IL1RAP: variants seen among roughly 807,000 people sequenced by gnomAD.
IL1RAP encodes the protein interleukin 1 receptor accessory protein.
Under a neutral mutation model 60.7 loss-of-function variants are expected in IL1RAP, and 35 were observed. That is an observed-to-expected ratio of 0.58 (90% confidence interval 0.44 to 0.76). IL1RAP has a LOEUF of 0.76. Among genes scored for constraint, IL1RAP ranks in the 30% least tolerant of loss-of-function variants. The pLI is 0.00. For missense variants in IL1RAP, 572 were observed against 693.9 expected (o/e 0.82, Z 1.97); for synonymous variants, 268 against 250.9 (o/e 1.07, Z -0.64).
chr3:190,597,971 G>C (rs964307300), intron 3 of IL1RAP, among the ~76,000 whole-genome samples: 1 of 152,230 alleles, frequency 6.6e-6, no homozygotes, highest in Non-Finnish European at 1.5e-5. Flanking sequence ...TCCTTAATAA[G>C]GGCACTGTTA....
chr3:190,598,628 A>C (rs182094398), intron 3 of IL1RAP, among the ~76,000 whole-genome samples: 14 of 152,204 alleles, frequency 9.2e-5, no homozygotes, highest in African/African-American at 2.6e-4. Context: ...TGCCTTAACT[A>C]TCCTCACTTT....
At chr3:190,655,113 C>T (rs528407617), downstream of IL1RAP, among the ~76,000 whole-genome samples, 8 of 152,156 alleles carry the variant, frequency 5.3e-5, no homozygotes, top group East Asian at 1.9e-4. Context: ...ATGAACTGTC[C>T]GATGTTGTGT....
In IL1RAP at chr3:190,650,426, G is replaced by A; in HGVS notation, c.*1721G>A. On this transcript the variant is annotated 3_prime_UTR_variant, in exon 12 of 12. Transcript: ENST00000447382. ...CCCAGCAGACACATTTAGAAACTAA[G>A]CTATGTTAACCTCAGTGCTCAACTA... is the stretch of plus-strand genomic sequence containing the variant. The A allele has an allele frequency of 1.0e-6, 1 of 985,136 alleles. No individual in the cohort carries two copies. The highest frequency in any genetic ancestry group is 1.7e-5 in the African/African-American group (1 of 57,346). The allele number at this position is 985,136 out of a possible 1,614,324, so 61.0% of individuals were successfully genotyped here.
intron 1 of IL1RAP, among the ~76,000 whole-genome samples, chr3:190,539,990 T>C (rs983177995): frequency 6.6e-6 from 1 of 152,086 alleles, no homozygotes; most frequent in African/African-American, 2.4e-5. Flanking sequence ...GGCATTTGAA[T>C]GATACAAAAA....
intron 1 of IL1RAP, among the ~76,000 whole-genome samples, chr3:190,523,460 C>T (rs1051764570): frequency 6.6e-6 from 1 of 152,010 alleles, no homozygotes; most frequent in African/African-American, 2.4e-5. Context: ...CAGATTATTT[C>T]ATTGCCCAGG....
chr3:190,647,003 A>T (rs1041816534), intron 11 of IL1RAP, among the ~76,000 whole-genome samples: 5 of 152,352 alleles, frequency 3.3e-5, no homozygotes, highest in African/African-American at 1.2e-4. Flanking sequence ...ATAAATACTT[A>T]TCTACCACGG....
At chr3:190,587,312 C>T (rs1019905956) in intron 3 of IL1RAP, among the ~76,000 whole-genome samples, 2 of 152,122 alleles carry the variant, frequency 1.3e-5, no homozygotes, top group Admixed American at 6.5e-5. Flanking sequence ...GCTTCATGCT[C>T]GTCATTTGTT....
At chr3:190,629,542 C>T in intron 9 of IL1RAP, 44 bp downstream of exon 9, 2 of 1,570,684 alleles carry the variant, frequency 1.3e-6, no homozygotes, top group Non-Finnish European at 1.7e-6. Context: ...TCCAAATTAA[C>T]ATTGTGGTGA....
chr3:190,599,271 C>T (rs899400480), intron 3 of IL1RAP, among the ~76,000 whole-genome samples: 2 of 152,150 alleles, frequency 1.3e-5, no homozygotes, highest in African/African-American at 4.8e-5. Flanking sequence ...TTGTGGCACA[C>T]ATCCCCCGAA....
intron 3 of IL1RAP, among the ~76,000 whole-genome samples, chr3:190,565,833 G>T (rs562880945): frequency 1.8e-4 from 27 of 152,222 alleles, no homozygotes; most frequent in African/African-American, 6.0e-4. Flanking sequence ...AATGCTATCT[G>T]CTCACAGAGG....
At chr3:190,546,897 C>G (rs1272532380) in intron 1 of IL1RAP, among the ~76,000 whole-genome samples, 1 of 152,178 alleles carries the variant, frequency 6.6e-6, no homozygotes, top group Non-Finnish European at 1.5e-5. Context: ...AATAGCTTTG[C>G]ATTGAGAAAA....
At chr3:190,602,351 A>T (rs1273891018) in intron 3 of IL1RAP, among the ~76,000 whole-genome samples, 2 of 152,164 alleles carry the variant, frequency 1.3e-5, no homozygotes, top group Non-Finnish European at 2.9e-5. Context: ...TATTACTAAG[A>T]AATGATTTCC....
At chr3:190,556,876 A>G (rs150724973) in intron 2 of IL1RAP, among the ~76,000 whole-genome samples, 27 of 152,312 alleles carry the variant, frequency 1.8e-4, no homozygotes, top group South Asian at 4.1e-4. Context: ...GCTGAGAGCA[A>G]TTTGTGTTCC....
downstream of IL1RAP, among the ~76,000 whole-genome samples, chr3:190,655,176 T>A (rs561756749): frequency 1.2e-4 from 18 of 152,292 alleles, no homozygotes; most frequent in African/African-American, 4.1e-4. Flanking sequence ...GAGGTGATAA[T>A]TCCTGTTGCT....
intron 3 of IL1RAP, among the ~76,000 whole-genome samples, chr3:190,594,260 G>C (rs949001897): frequency 2.0e-5 from 3 of 152,170 alleles, no homozygotes; most frequent in Non-Finnish European, 4.4e-5. Context: ...TTGAGGACCA[G>C]ACTCCAAGTA....
Position 190,649,651 on chromosome 3 carries a change from A to AT in IL1RAP, c.*952dup, listed in dbSNP as rs1050683398. 9 of 985,724 alleles carry AT rather than the reference A, an allele frequency of 9.1e-6. No individual in the cohort carries two copies. Among genetic ancestry groups the AT allele is most frequent in the East Asian group, 1.1e-4 (1 of 8,808 alleles). 61.1% of individuals were successfully genotyped at this position (985,724 alleles called of 1,614,324 possible). A position where few individuals can be genotyped will look rare whatever the true frequency, so the allele number is the denominator to read the frequency against. ...TGCTAATGTGAATACTGGGAAAGTGATTTTTTCTCACTCGTTTTTGTTGCT... is the reference window on the plus strand; with the variant it reads ...TGCTAATGTGAATACTGGGAAAGTGATTTTTTTCTCACTCGTTTTTGTTGCT... On this transcript the variant is annotated 3_prime_UTR_variant, in exon 12 of 12. Coordinates refer to ENST00000447382, the MANE Select transcript of IL1RAP (RefSeq NM_002182.4).
chr3:190,657,650 T>C (rs1252840654), exon 12 of IL1RAP: 1 of 152,238 alleles, frequency 6.6e-6, no homozygotes, highest in African/African-American at 2.4e-5. Flanking sequence ...CAGATAGTTA[T>C]TTCTTCTCTG....
rs1727892614 is a variant in IL1RAP at position 190,580,451 on chromosome 3, A to G, written c.64+16098A>G. Reference sequence around the variant, plus strand: ...ATGGATAAAGAGAATGCATTATATCATACAATTGAGTGTCAGTCAGCCCTA... The same window carrying G: ...ATGGATAAAGAGAATGCATTATATCGTACAATTGAGTGTCAGTCAGCCCTA... On this transcript the variant is annotated intron_variant, in intron 3 of 11. Transcript: ENST00000447382. 2.0e-5 allele frequency among the ~76,000 whole-genome samples: 3 copies of G among 152,342 alleles called. No individual in the cohort carries two copies. In the Middle Eastern group the frequency reaches 0.01, roughly 518 times the overall value.
chr3:190,525,075 C>A (rs1722396377), intron 1 of IL1RAP, among the ~76,000 whole-genome samples: 1 of 151,760 alleles, frequency 6.6e-6, no homozygotes, highest in African/African-American at 2.4e-5. Context: ...TCAAAGCTAC[C>A]TGAGGAAACA....
Sources: gnomAD v4.1 joint callset for allele counts (sites outside exome capture counted in the v4.1 genomes callset) on GRCh38, gnomAD v4.1.1 for gene constraint, MANE v1.5 for transcripts, NCBI Gene and HGNC (gene_info 2026-07-23, HGNC 2026-07-21) for gene names.